The following TMEM181 variants were observed in gnomAD, a reference collection of about 807,000 sequenced individuals.
TMEM181 encodes transmembrane protein 181.
Under a neutral mutation model 71.9 loss-of-function variants are expected in TMEM181, and 39 were observed. That is an observed-to-expected ratio of 0.54 (90% CI 0.42 to 0.71). The LOEUF is 0.71. Ranked by LOEUF, TMEM181 falls within the 30% of genes least tolerant of loss-of-function variation. The pLI is 0.00. For synonymous variants in TMEM181, 245 were observed against 228.8 expected (o/e 1.07, Z -0.64); for missense variants, 595 against 583.0 (o/e 1.02, Z -0.21).
At chr6:158,596,778 G>A (rs1482340588) in intron 6 of TMEM181, among the ~76,000 whole-genome samples, 1 of 152,174 alleles carries the variant, frequency 6.6e-6, no homozygotes, top group Non-Finnish European at 1.5e-5. Context: ...AAGAGAAAAT[G>A]AGGAAGAAGC....
chr6:158,538,596 G>A (rs1207644721), intron 1 of TMEM181, among the ~76,000 whole-genome samples: 1 of 152,138 alleles, frequency 6.6e-6, no homozygotes, highest in African/African-American at 2.4e-5. Flanking sequence ...ACTGACCAAT[G>A]TATTCACCTG....
chr6:158,580,445 C>T (rs1783409395), intron 2 of TMEM181, among the ~76,000 whole-genome samples: 1 of 152,136 alleles, frequency 6.6e-6, no homozygotes, highest in Non-Finnish European at 1.5e-5. Flanking sequence ...GTTCGTATAC[C>T]TATTAGTTAA....
chr6:158,542,824 C>T (rs539282706), intron 1 of TMEM181, among the ~76,000 whole-genome samples: 2 of 147,696 alleles, frequency 1.4e-5, no homozygotes, highest in East Asian at 2.0e-4. Flanking sequence ...AGGCTGGTCT[C>T]GAACTGCTGA....
At chr6:158,592,398 A>G (rs753234666) in intron 6 of TMEM181, among the ~76,000 whole-genome samples, 2 of 152,166 alleles carry the variant, frequency 1.3e-5, no homozygotes, top group Non-Finnish European at 2.9e-5. Context: ...TAATCCCAGC[A>G]CTTTGGAAAG....
intron 1 of TMEM181, among the ~76,000 whole-genome samples, chr6:158,549,574 G>A (rs193251519): frequency 2.7e-4 from 41 of 152,296 alleles, no homozygotes; most frequent in Admixed American, 2.2e-3. Context: ...CAAGAGAGCG[G>A]CTCTCAAAAA....
chr6:158,578,092 A>G (rs566592340), intron 2 of TMEM181, among the ~76,000 whole-genome samples: 1 of 152,276 alleles, frequency 6.6e-6, no homozygotes, highest in African/African-American at 2.4e-5. Flanking sequence ...CTCCATCTCA[A>G]AAAAAAGACA....
At chr6:158,542,498 C>T (rs1363201118) in intron 1 of TMEM181, among the ~76,000 whole-genome samples, 2 of 152,206 alleles carry the variant, frequency 1.3e-5, no homozygotes, top group Admixed American at 6.5e-5. Flanking sequence ...AAGTCTGTAT[C>T]GTATGCACTT....
intron 10 of TMEM181, chr6:158,610,778 T>C: frequency 3.2e-6 from 1 of 313,786 alleles, no homozygotes. Flanking sequence ...GCGTCATTGC[T>C]GCTGCTGCTC....
rs984183694 is a variant in TMEM181 at position 158,560,107 on chromosome 6, G to C, written c.-118G>C. On this transcript the variant is annotated 5_prime_UTR_variant, in exon 1 of 17. Coordinates refer to ENST00000684151, the MANE Select transcript of TMEM181 (RefSeq NM_001376852.1). ...CGCTCTGATGAGTTTTCCGCGGCCG[G>C]CCGCTGCTCAGCCGCTGTCGCTCCG... 2 of 984,908 alleles carry C rather than the reference G, an allele frequency of 2.0e-6. No homozygotes were observed. The highest frequency in any genetic ancestry group is 3.5e-5 in the African/African-American group (2 of 57,190). 61.0% of individuals were successfully genotyped at this position (984,908 alleles called of 1,614,324 possible).
At chr6:158,604,079 G>T (rs1784810942) in intron 6 of TMEM181, among the ~76,000 whole-genome samples, 1 of 152,198 alleles carries the variant, frequency 6.6e-6, no homozygotes, top group South Asian at 2.1e-4. Flanking sequence ...TTTCTTCTCT[G>T]TCTTGTGGGT....
intron 14 of TMEM181, 50 bp from the exon 15 acceptor site, chr6:158,629,676 AGAGC>A (rs1779863608): frequency 6.9e-7 from 1 of 1,445,686 alleles, no homozygotes; most frequent in African/African-American, 1.4e-5. Context: ...GGCTGTAGGC[AGAGC>A]CTCTGACTGA....
At chr6:158,608,282 AGGT>A (rs1562305021) in intron 8 of TMEM181, 48 bp from the exon 9 acceptor site, 15 of 1,606,688 alleles carry the variant, frequency 9.3e-6, no homozygotes, top group Non-Finnish European at 1.3e-5. Flanking sequence ...GCTGTCTGCC[AGGT>A]GCTGGCGGGC....
intron 6 of TMEM181, among the ~76,000 whole-genome samples, chr6:158,592,453 T>A (rs1562640729): frequency 6.7e-6 from 1 of 149,264 alleles, no homozygotes. Flanking sequence ...GAGACCAGCC[T>A]GGACAACATA....
intron 10 of TMEM181, chr6:158,610,824 G>A: frequency 3.1e-6 from 1 of 320,112 alleles, no homozygotes; most frequent in Non-Finnish European, 6.0e-6. Flanking sequence ...GGCTGCTGGT[G>A]CACTAGCTGA....
chr6:158,566,663 G>GGGAGGTGATGGGGTGAA, intron 1 of TMEM181, among the ~76,000 whole-genome samples: 1 of 150,974 alleles, frequency 6.6e-6, no homozygotes, highest in Non-Finnish European at 1.5e-5. Flanking sequence ...GATGGGGTGA[G>GGGAGGTGATGGGGTGAA]GGAGGTGATG....
At chr6:158,605,156 G>A (rs56148141) in intron 6 of TMEM181, 111 bp from the exon 7 acceptor site, 226,674 of 568,648 alleles carry the variant, frequency 0.4, 55,170 homozygotes, top group East Asian at 0.62. Flanking sequence ...GTGTGTGTGT[G>A]TGTATGTGTA....
chr6:158,563,295 C>T (rs556986711), intron 1 of TMEM181, among the ~76,000 whole-genome samples: 72 of 152,318 alleles, frequency 4.7e-4, no homozygotes, highest in African/African-American at 1.7e-3. Context: ...AGGCAAGTGC[C>T]ACCATGCCCG....
Position 158,581,738 on chromosome 6 carries a change from A to T in TMEM181, c.168+743A>T, listed in dbSNP as rs938857423. ...CCAATGCATCCAGCCTGGGTGACAG[A>T]GTGAGACTCTGTCTCAAAAAAAAAA... On this transcript the variant is annotated intron_variant, in intron 3 of 16. Transcript: ENST00000684151. Among the ~76,000 whole-genome samples, 42 of 118,228 alleles carry T rather than the reference A, an allele frequency of 3.6e-4. 1 individual carries two copies. In the Middle Eastern group the frequency reaches 0.014, roughly 39 times the overall value. 77.6% of individuals were successfully genotyped at this position (118,228 alleles called of 152,430 possible). A position where few individuals can be genotyped will look rare whatever the true frequency, so the allele number is the denominator to read the frequency against.
intron 6 of TMEM181, among the ~76,000 whole-genome samples, chr6:158,603,135 T>C (rs1784759771): frequency 6.6e-6 from 1 of 152,160 alleles, no homozygotes; most frequent in South Asian, 2.1e-4. Flanking sequence ...TTGGCCATTA[T>C]CTCTTCAAAT....
Sources: allele counts gnomAD v4.1 joint callset (sites outside exome capture counted in the v4.1 genomes callset), GRCh38; gene constraint gnomAD v4.1.1; transcripts MANE v1.5; gene names NCBI Gene and HGNC (gene_info 2026-07-23, HGNC 2026-07-21).